RBBP6: variants seen among roughly 807,000 people sequenced by gnomAD.
RBBP6 encodes RB binding protein 6, ubiquitin ligase, also known as E3 ubiquitin-protein ligase RBBP6.
A neutral mutation model predicts 167.7 loss-of-function variants in RBBP6; 25 were observed. That is an observed-to-expected ratio of 0.15 (90% confidence interval 0.11 to 0.21). The LOEUF is 0.21. Among genes scored for constraint, RBBP6 ranks in the 10% least tolerant of loss-of-function variants. The probability of loss-of-function intolerance (pLI) is 1.00; values close to 1 mark genes in which losing one functional copy is unlikely to be tolerated. For missense variants in RBBP6, 1,868 were observed against 2,134.2 expected, an observed-to-expected ratio of 0.88 and a Z score of 2.46; for synonymous variants, 789 against 735.8, an observed-to-expected ratio of 1.07 and a Z score of -1.17.
intron 13 of RBBP6, 90 bp downstream of exon 13, chr16:24,563,754 C>G: frequency 8.3e-7 from 1 of 1,209,494 alleles, no homozygotes; most frequent in Non-Finnish European, 1.2e-6. Flanking sequence ...AATGGAAGGT[C>G]CAAACTAGGC....
chr16:24,554,666 G>C (rs1275353602), intron 4 of RBBP6: 1 of 151,532 alleles, frequency 6.6e-6, no homozygotes, highest in African/African-American at 2.4e-5. Context: ...ATAGTTTACT[G>C]TTTTTATTCT....
At chr16:24,563,144 C>G in intron 10 of RBBP6, 55 bp from the exon 11 acceptor site, 9 of 1,429,742 alleles carry the variant, frequency 6.3e-6, no homozygotes, top group Non-Finnish European at 8.7e-6. Context: ...CTTTTTTACT[C>G]TTAATTGTCC....
intron 16 of RBBP6, among the ~76,000 whole-genome samples, 177 bp from the exon 17 acceptor site, chr16:24,568,568 C>T (rs751778078): frequency 6.6e-6 from 1 of 152,134 alleles, no homozygotes; most frequent in Non-Finnish European, 1.5e-5. Context: ...GTGATTGCTC[C>T]GATTTGTGTA....
intron 17 of RBBP6, 77 bp from the exon 18 acceptor site, chr16:24,570,799 C>T (rs1449508211): frequency 1.2e-5 from 14 of 1,165,930 alleles, no homozygotes; most frequent in Admixed American, 3.6e-5. Context: ...TTTAAGTTAG[C>T]ATTTTTATAT....
In RBBP6 at chr16:24,567,776, A is replaced by G; in HGVS notation, c.1953-16A>G. 1 of 1,579,440 alleles carries G rather than the reference A, an allele frequency of 6.3e-7. No individual in the cohort carries two copies. Among genetic ancestry groups the G allele is most frequent in the Non-Finnish European group, 8.7e-7 (1 of 1,155,356 alleles). Reference sequence around the variant, plus strand: ...TGGTTTTTGTTAACTTTCACTCTTTAACTTTATTTTACTAGGGAAAAGAAA... The same window carrying G: ...TGGTTTTTGTTAACTTTCACTCTTTGACTTTATTTTACTAGGGAAAAGAAA... On this transcript the variant is annotated splice_polypyrimidine_tract_variant and intron_variant, in intron 15 of 17. Transcript: ENST00000319715.
At chr16:24,556,518 G>T in intron 7 of RBBP6, 71 bp downstream of exon 7, 2 of 1,441,918 alleles carry the variant, frequency 1.4e-6, no homozygotes, top group Non-Finnish European at 1.8e-6. Flanking sequence ...TTAATCTTGG[G>T]CTTGTAACTT....
In RBBP6 at chr16:24,572,656, G is replaced by C; in HGVS notation, c.*211G>C. On this transcript the variant is annotated 3_prime_UTR_variant, in exon 18 of 18. Transcript: ENST00000319715. Reference sequence around the variant, plus strand: ...GAGTTGTGACCATGTAACATGAGAGGTTTTGCTAGGGCCTATTATTTTTAA... The same window carrying C: ...GAGTTGTGACCATGTAACATGAGAGCTTTTGCTAGGGCCTATTATTTTTAA... 1.7e-6 allele frequency: 1 copy of C among 584,420 alleles called. No homozygotes were observed. 36.2% of individuals were successfully genotyped at this position (584,420 alleles called of 1,614,324 possible). A position where few individuals can be genotyped will look rare whatever the true frequency, so the allele number is the denominator to read the frequency against.
rs766611273 is a variant in RBBP6 at position 24,571,375 on chromosome 16, C to A, written c.4309C>A (p.Gln1437Lys). The change falls in exon 18 of 18, where the codon CAA (glutamine) becomes AAA (lysine). Residue 1437 changes from glutamine to lysine, a missense_variant. Transcript: ENST00000319715. ...KESNLDRLNEQGNFKSLSQSS... is the reference protein window; with the variant it reads ...KESNLDRLNEKGNFKSLSQSS... ...GAGTAATTTGGACCGTCTGAATGAA[C>A]AAGGAAATTTTAAAAGTCTGTCTCA... is the stretch of plus-strand genomic sequence containing the variant. 1 of 1,613,886 alleles carries A rather than the reference C, an allele frequency of 6.2e-7. No homozygotes were observed. The highest frequency in any genetic ancestry group is 8.5e-7 in the Non-Finnish European group (1 of 1,179,998).
At chr16:24,558,020 G>T (rs1179349915) in intron 7 of RBBP6, among the ~76,000 whole-genome samples, 1 of 152,122 alleles carries the variant, frequency 6.6e-6, no homozygotes. Flanking sequence ...ACAGTCTGTT[G>T]TTATGCTGTT....
rs1899223195 is a variant in RBBP6, at chr16:24,567,504, G to A, written c.1951G>A (p.Glu651Lys). ...FYREQRRLKE[E>K]EKKKSKLDEF... Reference sequence around the variant, plus strand: ...TAGAGAGCAGCGACGACTAAAAGAAGAGTATGTATTCTAATTTGAAATTAT... The same window carrying A: ...TAGAGAGCAGCGACGACTAAAAGAAAAGTATGTATTCTAATTTGAAATTAT... Residue 651 changes from glutamate (E) to lysine (K), a missense_variant and splice_region_variant, in exon 15 of 18, where the codon GAG becomes AAG. Transcript: ENST00000319715. 1 of 1,604,152 alleles carries A rather than the reference G, an allele frequency of 6.2e-7. No homozygotes were observed. The highest frequency in any genetic ancestry group is 1.7e-5 in the Admixed American group (1 of 58,594).
rs753346355 is a variant in RBBP6, at chr16:24,569,265, A to G, written c.2575A>G (p.Asn859Asp). 6.2e-7 allele frequency: 1 copy of G among 1,612,372 alleles called. No homozygotes were observed. Among genetic ancestry groups the G allele is most frequent in the Non-Finnish European group, 8.5e-7 (1 of 1,179,642 alleles). The change falls in exon 17 of 18, where the codon AAC (asparagine) becomes GAC (aspartate). Residue 859 changes from asparagine to aspartate, a missense_variant. Coordinates refer to ENST00000319715, the MANE Select transcript of RBBP6 (RefSeq NM_006910.5). ...AQPRPSANRENFSPERFLPLN... is the reference protein window; with the variant it reads ...AQPRPSANREDFSPERFLPLN... ...GCCTAGACCCTCAGCAAATAGAGAGAACTTTTCTCCAGAGAGATTTTTGCC... is the reference window on the plus strand; with the variant it reads ...GCCTAGACCCTCAGCAAATAGAGAGGACTTTTCTCCAGAGAGATTTTTGCC...
At chr16:24,557,383 A>G (rs530449804) in intron 7 of RBBP6, among the ~76,000 whole-genome samples, 4 of 151,890 alleles carry the variant, frequency 2.6e-5, no homozygotes, top group African/African-American at 9.7e-5. Flanking sequence ...CAACTAGATA[A>G]CCTCCCATTT....
rs201835041 is a variant in RBBP6 at position 24,571,556 on chromosome 16, G to A, written c.4490G>A (p.Arg1497Gln). Residue 1497 changes from arginine to glutamine, a missense_variant, in exon 18 of 18, where the codon CGA (arginine) becomes CAA (glutamine). Physicochemically the swap from Arg to Gln is conservative, Grantham distance 43 (BLOSUM62 1). Transcript: ENST00000319715. Reference sequence around the variant, plus strand: ...GATGAAAAGAATGAATTAACAAGACGAAAAGACTCTCCTTCTCGGAATAAA... The same window carrying A: ...GATGAAAAGAATGAATTAACAAGACAAAAAGACTCTCCTTCTCGGAATAAA... ...RRDEKNELTR[R>Q]KDSPSRNKDS... 1.8e-4 allele frequency: 288 copies of A among 1,613,272 alleles called. 1 individual carries two copies. The East Asian group carries it at 3.7e-3, about 21-fold the overall frequency.
intron 1 of RBBP6, among the ~76,000 whole-genome samples, chr16:24,542,342 T>C (rs1898521369): frequency 6.6e-6 from 1 of 152,222 alleles, no homozygotes; most frequent in Non-Finnish European, 1.5e-5. Context: ...TTAAAGGATA[T>C]TAAGGCAATT....
Position 24,539,948 on chromosome 16 carries a change from G to T in RBBP6, c.-679G>T. Reference sequence around the variant, plus strand: ...GGCGGCGGCGGGGGGAGGCGGAGCCGGGGGCGGCCTGCGGGAAGGCCTCTC... The same window carrying T: ...GGCGGCGGCGGGGGGAGGCGGAGCCTGGGGCGGCCTGCGGGAAGGCCTCTC... On this transcript the variant is annotated 5_prime_UTR_variant, in exon 1 of 18. Transcript: ENST00000319715. 1 of 153,120 alleles carries T rather than the reference G, an allele frequency of 6.5e-6. No individual in the cohort carries two copies. Among genetic ancestry groups the T allele is most frequent in the South Asian group, 1.8e-4 (1 of 5,538 alleles). The allele number at this position is 153,120 out of a possible 1,614,324, so 9.5% of individuals were successfully genotyped here. A position where few individuals can be genotyped will look rare whatever the true frequency, so the allele number is the denominator to read the frequency against.
chr16:24,553,392 T>C, intron 3 of RBBP6, 121 bp from the exon 4 acceptor site: 1 of 724,700 alleles, frequency 1.4e-6, no homozygotes, highest in South Asian at 2.1e-5. Flanking sequence ...AGCTTAACAT[T>C]CTTTAGAAAA....
chr16:24,563,428 C>T lies in RBBP6; in HGVS notation c.1392C>T (p.Tyr464=), dbSNP rs1486377071. The change falls in exon 12 of 18, where the codon TAC becomes TAT. Residue 464 remains tyrosine (Y), a synonymous_variant. Transcript: ENST00000319715. The part of the protein sequence containing the change: ...AITALMEEKG[Y]QVPVLGTPSL... ...ATTTGTGGTTGTTTCTAAAGGGTTA[C>T]CAGGTGCCTGTTCTTGGAACCCCAT... is the stretch of plus-strand genomic sequence containing the variant. 1 of 1,604,370 alleles carries T rather than the reference C, an allele frequency of 6.2e-7. No homozygotes were observed.
chr16:24,557,776 A>G (rs1477971699), intron 7 of RBBP6, among the ~76,000 whole-genome samples: 1 of 152,246 alleles, frequency 6.6e-6, no homozygotes, highest in African/African-American at 2.4e-5. Flanking sequence ...GCTTCATGCT[A>G]TAAATATTGT....
At chr16:24,547,972 A>T (rs961051362) in intron 2 of RBBP6, among the ~76,000 whole-genome samples, 5 of 152,066 alleles carry the variant, frequency 3.3e-5, no homozygotes, top group African/African-American at 1.2e-4. Flanking sequence ...TTTGTAATAA[A>T]TTTGCCTCAT....
Sources: allele counts gnomAD v4.1 joint callset (sites outside exome capture counted in the v4.1 genomes callset), GRCh38; gene constraint gnomAD v4.1.1; transcripts MANE v1.5; gene names NCBI Gene and HGNC (gene_info 2026-07-23, HGNC 2026-07-21).